Variants in TESK2 observed in about 807,000 individuals in gnomAD.
The protein encoded by TESK2 is testis associated actin remodelling kinase 2.
In TESK2, 39 loss-of-function variants were observed where a neutral mutation model predicts 57.1. That is an observed-to-expected ratio of 0.68 (90% CI 0.53 to 0.89). The LOEUF is 0.89. Ranked by LOEUF, TESK2 falls within the 40% of genes least tolerant of loss-of-function variation. The probability of loss-of-function intolerance (pLI) is 0.00; values close to 1 mark genes in which losing one functional copy is unlikely to be tolerated. For missense variants in TESK2, 646 were observed against 732.1 expected (o/e 0.88, Z 1.36); for synonymous variants, 249 against 267.9 (o/e 0.93, Z 0.69).
At chr1:45,484,020 C>G (rs1026130642) in intron 1 of TESK2, among the ~76,000 whole-genome samples, 1 of 150,198 alleles carries the variant, frequency 6.7e-6, no homozygotes, top group Non-Finnish European at 1.5e-5. Context: ...AAAAATTATA[C>G]TTGGATTTTC....
At chr1:45,357,354 C>T (rs1010281815) in intron 4 of TESK2, among the ~76,000 whole-genome samples, 5 of 151,808 alleles carry the variant, frequency 3.3e-5, no homozygotes, top group Non-Finnish European at 7.4e-5. Context: ...ATGAGGAAGA[C>T]GAGCTTGAAA....
chr1:45,416,790 A>C (rs1306748473), intron 3 of TESK2, among the ~76,000 whole-genome samples: 12 of 133,516 alleles, frequency 9.0e-5, no homozygotes, highest in African/African-American at 2.8e-4. Flanking sequence ...TTCTCTCCAC[A>C]TTTTTTTTTT....
intron 2 of TESK2, 90 bp downstream of exon 2, chr1:45,457,474 A>G: frequency 2.4e-6 from 3 of 1,230,080 alleles, no homozygotes; most frequent in Non-Finnish European, 3.6e-6. Context: ...TTTATTAGGC[A>G]AATCCTACAT....
intron 4 of TESK2, among the ~76,000 whole-genome samples, chr1:45,375,878 G>A (rs1008512046): frequency 6.6e-6 from 1 of 152,142 alleles, no homozygotes; most frequent in Non-Finnish European, 1.5e-5. Flanking sequence ...GAATAAATGA[G>A]CCAAAAGCAA....
chr1:45,433,065 CTTTTTTTTT>C (rs150419974), intron 2 of TESK2, among the ~76,000 whole-genome samples: 1 of 43,612 alleles, frequency 2.3e-5, no homozygotes, highest in Non-Finnish European at 3.8e-5. Context: ...CGCCCAGCCG[CTTTTTTTTT>C]TTTTTTTTTT....
At chr1:45,395,586 A>AC (rs1248216223) in intron 3 of TESK2, among the ~76,000 whole-genome samples, 2 of 147,122 alleles carry the variant, frequency 1.4e-5, no homozygotes, top group Non-Finnish European at 3.0e-5. Context: ...AGCCATTTAC[A>AC]CTCCTTTCTT....
At chr1:45,441,966 T>C (rs569265268) in intron 2 of TESK2, among the ~76,000 whole-genome samples, 1 of 152,268 alleles carries the variant, frequency 6.6e-6, no homozygotes, top group African/African-American at 2.4e-5. Context: ...GACAAGGTTC[T>C]GCTCTTGTTG....
At chr1:45,432,533 T>C (rs1352150366) in intron 2 of TESK2, among the ~76,000 whole-genome samples, 1 of 149,830 alleles carries the variant, frequency 6.7e-6, no homozygotes, top group Non-Finnish European at 1.5e-5. Flanking sequence ...CTACTAAAAA[T>C]ACAAAAAATT....
intron 1 of TESK2, among the ~76,000 whole-genome samples, chr1:45,467,625 C>T (rs1196570843): frequency 7.3e-6 from 1 of 136,118 alleles, no homozygotes; most frequent in African/African-American, 2.9e-5. Context: ...CCACTGTGCT[C>T]GGCCTTCACA....
intron 3 of TESK2, among the ~76,000 whole-genome samples, chr1:45,386,229 G>A (rs1191157011): frequency 1.3e-5 from 2 of 151,332 alleles, no homozygotes; most frequent in Admixed American, 6.6e-5. Flanking sequence ...CCTGTAGTCC[G>A]AGCTGCTCAG....
chr1:45,436,569 A>G (rs893358250), intron 2 of TESK2, among the ~76,000 whole-genome samples: 1 of 136,226 alleles, frequency 7.3e-6, no homozygotes, highest in Admixed American at 8.5e-5. Context: ...GGCTCACCGC[A>G]ACCTCCACCT....
At chr1:45,480,338 G>C (rs2149307530) in intron 1 of TESK2, among the ~76,000 whole-genome samples, 1 of 151,400 alleles carries the variant, frequency 6.6e-6, no homozygotes, top group East Asian at 2.0e-4. Context: ...CACACCTGTA[G>C]TCCCAGCTAC....
intron 2 of TESK2, among the ~76,000 whole-genome samples, chr1:45,451,803 G>A (rs527664871): frequency 1.3e-5 from 2 of 152,130 alleles, no homozygotes; most frequent in African/African-American, 4.8e-5. Context: ...GGAGGCCGAG[G>A]CAGGCAGATC....
At chr1:45,482,327 A>C (rs1653259890) in intron 1 of TESK2, among the ~76,000 whole-genome samples, 2 of 152,044 alleles carry the variant, frequency 1.3e-5, no homozygotes, top group Admixed American at 1.3e-4. Flanking sequence ...CAGGAGTTTG[A>C]GACCAGCCAC....
chr1:45,451,799 C>T (rs1416306976), intron 2 of TESK2, among the ~76,000 whole-genome samples: 3 of 151,742 alleles, frequency 2.0e-5, no homozygotes, highest in South Asian at 2.1e-4. Context: ...TTTGGGAGGC[C>T]GAGGCAGGCA....
In TESK2 at chr1:45,421,787, G is replaced by T. The variant is rs1197007360; in HGVS notation, c.282C>A (p.Asn94Lys). 1.2e-6 allele frequency: 2 copies of T among 1,614,048 alleles called. No homozygotes were observed. Among genetic ancestry groups the T allele is most frequent in the Admixed American group, 3.3e-5 (2 of 60,006 alleles). Residue 94 changes from asparagine to lysine, a missense_variant, in exon 3 of 11, where the codon AAC becomes AAA. Asn to Lys is a moderately conservative substitution (Grantham distance 94). Coordinates refer to ENST00000372086, the MANE Select transcript of TESK2 (RefSeq NM_007170.3). ...GTACTTCTTTCAGCATGTTTGCCCG[G>T]TTACTGCTCAATGTGTTCATCTTAA... is the stretch of plus-strand genomic sequence containing the variant. ...MALKMNTLSS[N>K]RANMLKEVQL... is the part of the protein sequence containing the mutation.
intron 1 of TESK2, among the ~76,000 whole-genome samples, chr1:45,458,305 C>T (rs1277333102): frequency 1.3e-5 from 2 of 152,330 alleles, no homozygotes; most frequent in East Asian, 3.9e-4. Context: ...TGGCTCACGC[C>T]TGTAATCCCA....
At chr1:45,386,489 C>T (rs886638334) in intron 3 of TESK2, among the ~76,000 whole-genome samples, 2 of 151,266 alleles carry the variant, frequency 1.3e-5, no homozygotes, top group South Asian at 2.1e-4. Flanking sequence ...CCCCTGCTAT[C>T]TTGTACAGCC....
intron 4 of TESK2, among the ~76,000 whole-genome samples, chr1:45,377,693 A>G (rs1375077510): frequency 6.9e-6 from 1 of 145,790 alleles, no homozygotes; most frequent in Non-Finnish European, 1.5e-5. Flanking sequence ...TGCTGGGATT[A>G]CAGGTGTGAG....
Sources: gnomAD v4.1 joint callset for allele counts (sites outside exome capture counted in the v4.1 genomes callset) on GRCh38, gnomAD v4.1.1 for gene constraint, MANE v1.5 for transcripts, NCBI Gene and HGNC (gene_info 2026-07-23, HGNC 2026-07-21) for gene names.